The following APBB2 variants were observed in gnomAD, a reference collection of about 807,000 sequenced individuals.
The protein encoded by APBB2 is amyloid beta precursor protein binding family B member 2, also known as Fe65-like 1.
Under a neutral mutation model 82.5 loss-of-function variants are expected in APBB2, and 38 were observed. The observed-to-expected ratio is 0.46, with a 90% confidence interval of 0.36 to 0.60. APBB2 has a LOEUF of 0.60. Among genes scored for constraint, APBB2 ranks in the 20% least tolerant of loss-of-function variants. The pLI is 0.00. For synonymous variants in APBB2, 341 were observed against 368.2 expected, an observed-to-expected ratio of 0.93 and a Z score of 0.85; for missense variants, 772 against 972.3, an observed-to-expected ratio of 0.79 and a Z score of 2.74.
chr4:40,905,304 C>T (rs1434842352), intron 10 of APBB2, among the ~76,000 whole-genome samples: 1 of 152,152 alleles, frequency 6.6e-6, no homozygotes, highest in Non-Finnish European at 1.5e-5. Flanking sequence ...CTAACCCCAT[C>T]CCCTGCAGTT....
intron 6 of APBB2, among the ~76,000 whole-genome samples, chr4:40,989,753 C>T (rs1313140970): frequency 6.6e-6 from 1 of 152,124 alleles, no homozygotes; most frequent in Non-Finnish European, 1.5e-5. Flanking sequence ...GTCATCCGAG[C>T]CTCGTCGGAA....
chr4:41,094,883 T>C (rs2153959527), intron 3 of APBB2, among the ~76,000 whole-genome samples: 1 of 152,272 alleles, frequency 6.6e-6, no homozygotes, highest in Admixed American at 6.5e-5. Flanking sequence ...CCACATTTTA[T>C]TGAGTGTTAT....
At chr4:41,173,902 C>A (rs1441757464) in intron 1 of APBB2, among the ~76,000 whole-genome samples, 1 of 152,116 alleles carries the variant, frequency 6.6e-6, no homozygotes, top group Non-Finnish European at 1.5e-5. Context: ...TTATATGCCA[C>A]AATACCCAGA....
chr4:40,895,652 G>A (rs1481945857), intron 10 of APBB2, among the ~76,000 whole-genome samples: 2 of 152,180 alleles, frequency 1.3e-5, no homozygotes, highest in Non-Finnish European at 2.9e-5. Context: ...AAGTGCCCAG[G>A]CCCTGCTCTC....
At chr4:40,854,790 C>CAAAAAAAAAAAAAA (rs80240731) in intron 12 of APBB2, among the ~76,000 whole-genome samples, 17 of 124,818 alleles carry the variant, frequency 1.4e-4, no homozygotes, top group African/African-American at 3.8e-4. Context: ...AGTCCATCTC[C>CAAAAAAAAAAAAAA]AAAAAAAAAA....
chr4:40,950,559 C>T (rs1789820902), intron 6 of APBB2, among the ~76,000 whole-genome samples: 1 of 151,968 alleles, frequency 6.6e-6, no homozygotes, highest in African/African-American at 2.4e-5. Context: ...AAAAATTTTT[C>T]AAAATTGGCC....
At position 40,811,070 on chromosome 4, in the gene APBB2, A is replaced by G. The variant is rs1744301807; in HGVS notation, c.*5022T>C. The G allele has an allele frequency of 6.6e-6, 1 of 152,186 alleles. No homozygotes were observed. Among genetic ancestry groups the G allele is most frequent in the South Asian group, 2.1e-4 (1 of 4,820 alleles). 9.4% of individuals were successfully genotyped at this position (152,186 alleles called of 1,614,324 possible). Reference sequence around the variant, plus strand: ...TTTCTGATCTCTACAGTAGCATGTGAAGTCACAATTTGTTGCCACTTACAT... The same window carrying G: ...TTTCTGATCTCTACAGTAGCATGTGGAGTCACAATTTGTTGCCACTTACAT... On this transcript the variant is annotated 3_prime_UTR_variant, in exon 18 of 18. Transcript: ENST00000508593.
At chr4:41,050,513 G>A (rs1400226801) in intron 4 of APBB2, among the ~76,000 whole-genome samples, 2 of 152,196 alleles carry the variant, frequency 1.3e-5, no homozygotes. Flanking sequence ...GGGTAGCCAA[G>A]ACTTCTAGTT....
intron 12 of APBB2, among the ~76,000 whole-genome samples, chr4:40,885,440 G>A (rs1321589043): frequency 6.6e-6 from 1 of 152,156 alleles, no homozygotes; most frequent in Non-Finnish European, 1.5e-5. Context: ...ATTGGGGGAG[G>A]GACTGGCGTG....
chr4:41,025,395 T>C (rs1469372430), intron 5 of APBB2, among the ~76,000 whole-genome samples: 2 of 152,256 alleles, frequency 1.3e-5, no homozygotes, highest in East Asian at 1.9e-4. Flanking sequence ...GGAACACTTA[T>C]ATGCTGTCGG....
At chr4:41,007,144 T>G (rs1225477716) in intron 6 of APBB2, among the ~76,000 whole-genome samples, 1 of 152,082 alleles carries the variant, frequency 6.6e-6, no homozygotes, top group Non-Finnish European at 1.5e-5. Context: ...TGATTGGAAG[T>G]GGGGCCTTTG....
At chr4:40,974,505 A>G (rs35944254) in intron 6 of APBB2, among the ~76,000 whole-genome samples, 58,658 of 152,028 alleles carry the variant, frequency 0.39, 12,347 homozygotes, top group East Asian at 0.71. Context: ...ACTTTTTTAA[A>G]AGGAGAAAGA....
intron 6 of APBB2, among the ~76,000 whole-genome samples, chr4:40,969,066 C>T (rs1459874446): frequency 6.6e-6 from 1 of 152,184 alleles, no homozygotes; most frequent in African/African-American, 2.4e-5. Flanking sequence ...GTGAGGCCTC[C>T]CCAGCCACAT....
chr4:40,925,264 A>G (rs1050299202), intron 10 of APBB2, among the ~76,000 whole-genome samples: 12 of 152,192 alleles, frequency 7.9e-5, no homozygotes, highest in African/African-American at 2.9e-4. Flanking sequence ...AAGAATGCTT[A>G]TTATGTGCTA....
At position 40,814,859 on chromosome 4, in the gene APBB2, T is replaced by C. The variant is rs1560584211; in HGVS notation, c.*1233A>G. ...CTCCTGTGTAGACTTTGCTCAGGTA[T>C]GAACATTTCAAATCTTCAAAGTAAA... On this transcript the variant is annotated 3_prime_UTR_variant, in exon 18 of 18. Transcript: ENST00000508593. The C allele has an allele frequency of 1.3e-5, 2 of 152,214 alleles. No homozygotes were observed. The highest frequency in any genetic ancestry group is 1.9e-4 in the East Asian group (1 of 5,196). 9.4% of individuals were successfully genotyped at this position (152,214 alleles called of 1,614,324 possible).
intron 3 of APBB2, among the ~76,000 whole-genome samples, chr4:41,097,454 C>G (rs1233941236): frequency 6.6e-6 from 1 of 152,142 alleles, no homozygotes; most frequent in East Asian, 1.9e-4. Context: ...GCCAGGACAG[C>G]CCAAAATTAA....
At chr4:41,099,393 T>TA (rs1194830434) in intron 3 of APBB2, among the ~76,000 whole-genome samples, 1 of 152,188 alleles carries the variant, frequency 6.6e-6, no homozygotes, top group Non-Finnish European at 1.5e-5. Context: ...CATACCCAGC[T>TA]AATTTTTTTG....
intron 6 of APBB2, among the ~76,000 whole-genome samples, chr4:40,970,853 TTAAGTC>T (rs760950723): frequency 2.6e-5 from 4 of 152,154 alleles, no homozygotes; most frequent in Non-Finnish European, 5.9e-5. Flanking sequence ...AACCATCACC[TTAAGTC>T]CAGCAAAACC....
intron 1 of APBB2, among the ~76,000 whole-genome samples, chr4:41,159,022 C>A (rs1209734707): frequency 6.6e-6 from 1 of 152,150 alleles, no homozygotes; most frequent in Non-Finnish European, 1.5e-5. Flanking sequence ...GGTAGCTTTA[C>A]ACCCACCCCA....
Sources: gnomAD v4.1 joint callset for allele counts (sites outside exome capture counted in the v4.1 genomes callset) on GRCh38, gnomAD v4.1.1 for gene constraint, MANE v1.5 for transcripts, NCBI Gene and HGNC (gene_info 2026-07-23, HGNC 2026-07-21) for gene names.